HTT: variants seen among roughly 807,000 people sequenced by gnomAD.
HTT encodes huntingtin, also known as huntington disease protein.
A neutral mutation model predicts 362.3 loss-of-function variants in HTT; 104 were observed. The observed-to-expected ratio is 0.29, with a 90% CI of 0.24 to 0.34. HTT has a LOEUF of 0.34. Among genes scored for constraint, HTT ranks in the 10% least tolerant of loss-of-function variants. The pLI is 1.00. For synonymous variants in HTT, 1,577 were observed against 1,548.7 expected (o/e 1.02, Z -0.43); for missense variants, 3,301 against 3,928.6 (o/e 0.84, Z 4.27).
intron 65 of HTT, 56 bp from the exon 66 acceptor site, chr4:3,238,762 C>T: frequency 1.6e-6 from 2 of 1,281,242 alleles, no homozygotes; most frequent in Non-Finnish European, 1.1e-6. Context: ...CCAGGCGCAG[C>T]AGGTGCTTCC....
chr4:3,154,251 G>C (rs1560571797), intron 26 of HTT, 42 bp from the exon 27 acceptor site: 1 of 1,469,102 alleles, frequency 6.8e-7, no homozygotes, highest in East Asian at 2.5e-5. Flanking sequence ...TCCATCACAT[G>C]TTTTTGTTTT....
At chr4:3,190,887 C>T (rs1441826420) in intron 40 of HTT, among the ~76,000 whole-genome samples, 1 of 152,218 alleles carries the variant, frequency 6.6e-6, no homozygotes, top group African/African-American at 2.4e-5. Context: ...ATAGGCACGT[C>T]TTTCTTCTCT....
chr4:3,147,893 C>A, intron 25 of HTT, 112 bp from the exon 26 acceptor site: 1 of 768,166 alleles, frequency 1.3e-6, no homozygotes, highest in Non-Finnish European at 2.1e-6. Flanking sequence ...ATATCAGGCA[C>A]AGATGTCTGG....
intron 6 of HTT, among the ~76,000 whole-genome samples, chr4:3,113,818 A>G (rs1714884695): frequency 6.6e-6 from 1 of 151,252 alleles, no homozygotes; most frequent in African/African-American, 2.4e-5. Context: ...GCTGGCAAGG[A>G]GAGAAGTCCT....
At chr4:3,158,839 C>T (rs945811811) in intron 28 of HTT, among the ~76,000 whole-genome samples, 1 of 152,086 alleles carries the variant, frequency 6.6e-6, no homozygotes, top group African/African-American at 2.4e-5. Flanking sequence ...ACTTCTTTTC[C>T]ACCTGTTTTC....
chr4:3,164,770 CT>C (rs1430955316), intron 29 of HTT, among the ~76,000 whole-genome samples: 4 of 151,952 alleles, frequency 2.6e-5, no homozygotes, highest in African/African-American at 7.3e-5. Flanking sequence ...TTTCCATTTG[CT>C]TGTTAGATCT....
chr4:3,079,246 G>C (rs1217893858), intron 1 of HTT, among the ~76,000 whole-genome samples: 2 of 136,338 alleles, frequency 1.5e-5, no homozygotes, highest in Non-Finnish European at 3.1e-5. Flanking sequence ...TGAGAAGACA[G>C]CTTTTTTTTT....
intron 37 of HTT, 142 bp downstream of exon 37, chr4:3,182,612 C>G: frequency 1.5e-6 from 1 of 663,482 alleles, no homozygotes; most frequent in Non-Finnish European, 2.7e-6. Context: ...CATGGGACAG[C>G]TGACTTCATT....
At chr4:3,225,537 G>C in intron 56 of HTT, 124 bp from the exon 57 acceptor site, 2 of 729,714 alleles carry the variant, frequency 2.7e-6, no homozygotes. Flanking sequence ...CCTCCTGCCA[G>C]TGGCGGCGAG....
rs761548179 is a variant in HTT, at chr4:3,148,198, C to G, written c.3489C>G (p.Pro1163=). ...TCCTGGATGACGTGGCTCCTGGACCCGCAATAAAGGTAATGTCCCACTTGG... is the reference window on the plus strand; with the variant it reads ...TCCTGGATGACGTGGCTCCTGGACCGGCAATAAAGGTAATGTCCCACTTGG... ...AHVLDDVAPG[P]AIKAALPSLT... Residue 1163 remains proline (P), a synonymous_variant, in exon 26 of 67, where the codon CCC becomes CCG. Transcript: ENST00000355072. The G allele has an allele frequency of 3.8e-6, 6 of 1,573,026 alleles. No homozygotes were observed. The South Asian group carries it at 5.8e-5, about 15-fold the overall frequency.
In HTT at chr4:3,240,150, T is replaced by A. The variant is rs1721741830; in HGVS notation, c.*91T>A. 1 of 1,096,588 alleles carries A rather than the reference T, an allele frequency of 9.1e-7. No individual in the cohort carries two copies. The highest frequency in any genetic ancestry group is 1.6e-5 in the African/African-American group (1 of 64,048). 67.9% of individuals were successfully genotyped at this position (1,096,588 alleles called of 1,614,324 possible). A position where few individuals can be genotyped will look rare whatever the true frequency, so the allele number is the denominator to read the frequency against. On this transcript the variant is annotated 3_prime_UTR_variant, in exon 67 of 67. Transcript: ENST00000355072. The stretch of plus-strand genomic sequence containing the variant: ...GTGCCCTGCCTCCACCGAGCCAGCT[T>A]GGTCCCTATGGGCTTCCGCACATGC...
chr4:3,074,820 A>G lies in HTT; in HGVS notation c.-6A>G. 1 of 1,510,516 alleles carries G rather than the reference A, an allele frequency of 6.6e-7. No individual in the cohort carries two copies. The highest frequency in any genetic ancestry group is 8.8e-7 in the Non-Finnish European group (1 of 1,134,892). 93.6% of individuals were successfully genotyped at this position (1,510,516 alleles called of 1,614,324 possible). A position where few individuals can be genotyped will look rare whatever the true frequency, so the allele number is the denominator to read the frequency against. On this transcript the variant is annotated 5_prime_UTR_variant, in exon 1 of 67. Transcript: ENST00000355072. ...CGGGGACTGCCGTGCCGGGCGGGAGACCGCCATGGCGACCCTGGAAAAGCT... is the reference window on the plus strand; with the variant it reads ...CGGGGACTGCCGTGCCGGGCGGGAGGCCGCCATGGCGACCCTGGAAAAGCT...
intron 63 of HTT, 48 bp downstream of exon 63, chr4:3,235,826 G>A: frequency 1.4e-6 from 2 of 1,443,744 alleles, no homozygotes; most frequent in African/African-American, 2.8e-5. Context: ...TCCTGTTCAA[G>A]GGAGGCAGGA....
chr4:3,079,859 C>A (rs895506579), intron 1 of HTT, among the ~76,000 whole-genome samples: 1 of 152,140 alleles, frequency 6.6e-6, no homozygotes, highest in African/African-American at 2.4e-5. Flanking sequence ...TACCGGCTGT[C>A]GGCTGTGGGC....
chr4:3,133,046 ATC>A, intron 18 of HTT, 135 bp downstream of exon 18: 1 of 693,646 alleles, frequency 1.4e-6, no homozygotes, highest in South Asian at 1.7e-5. Flanking sequence ...CCATGTATCC[ATC>A]TCTCAGCTTT....
At chr4:3,239,055 G>A in intron 66 of HTT, 77 bp downstream of exon 66, 1 of 1,451,490 alleles carries the variant, frequency 6.9e-7, no homozygotes, top group Non-Finnish European at 9.2e-7. Context: ...ATAAGGTTTT[G>A]AAACCTAACC....
chr4:3,099,518 A>ATGTATGGTTTGGAGGTGCTCTGT, intron 3 of HTT, 124 bp downstream of exon 3: 2 of 1,348,162 alleles, frequency 1.5e-6, no homozygotes, highest in Non-Finnish European at 1.0e-6. Flanking sequence ...TTCCTTTCTG[A>ATGTATGGTTTGGAGGTGCTCTGT]TGTATGGTTT....
chr4:3,126,467 C>T (rs943317664), intron 11 of HTT, among the ~76,000 whole-genome samples: 1 of 152,046 alleles, frequency 6.6e-6, no homozygotes, highest in Non-Finnish European at 1.5e-5. Context: ...ATAATCCTAT[C>T]TAAAAGAATA....
chr4:3,084,227 C>CA (rs1713080122), intron 1 of HTT, among the ~76,000 whole-genome samples: 1 of 116,548 alleles, frequency 8.6e-6, no homozygotes, highest in Non-Finnish European at 1.7e-5. Context: ...TTTTTGGCGA[C>CA]AGAGTCTTGC....
Sources: allele counts gnomAD v4.1 joint callset (sites outside exome capture counted in the v4.1 genomes callset), GRCh38; gene constraint gnomAD v4.1.1; transcripts MANE v1.5; gene names NCBI Gene and HGNC (gene_info 2026-07-23, HGNC 2026-07-21).